Variants in DUSP1 observed in about 807,000 individuals in gnomAD.
DUSP1 encodes dual specificity phosphatase 1, also known as dual specificity protein phosphatase 1.
A neutral mutation model predicts 27.4 loss-of-function variants in DUSP1; 10 were observed. The ratio of observed to expected loss-of-function variants is 0.37; its 90% CI spans 0.23 to 0.62. The LOEUF (loss-of-function observed/expected upper bound fraction) is 0.62, where lower values mean the gene tolerates loss of function less well. Ranked by LOEUF, DUSP1 falls within the 20% of genes least tolerant of loss-of-function variation. DUSP1 has a pLI of 0.68. For synonymous variants in DUSP1, 262 were observed against 223.6 expected (o/e 1.17, Z -1.53); for missense variants, 425 against 508.1 (o/e 0.84, Z 1.57).
chr5:172,770,982 G>T lies in DUSP1; in HGVS notation c.-30C>A, dbSNP rs1357393174. 1 of 1,390,054 alleles carries T rather than the reference G, an allele frequency of 7.2e-7. No individual in the cohort carries two copies. The allele number at this position is 1,390,054 out of a possible 1,614,324, so 86.1% of individuals were successfully genotyped here. On this transcript the variant is annotated 5_prime_UTR_variant, in exon 1 of 4. Coordinates refer to ENST00000239223, the MANE Select transcript of DUSP1 (RefSeq NM_004417.4). ...GGCCTCAGCGCCCCCAGCGTGATCG[G>T]CCCTGCGGTGCTCTTTGTCTGTTCT...
rs1759825596 is a variant in DUSP1 at position 172,768,482 on chromosome 5, C to G, written c.*280G>C. ...AGATTCTACAAAAAACAGGGGCGAG[C>G]AAAAAGAAACCGGATCACACACTGA... On this transcript the variant is annotated 3_prime_UTR_variant, in exon 4 of 4. Transcript: ENST00000239223. 3.1e-6 allele frequency: 1 copy of G among 322,008 alleles called. No individual in the cohort carries two copies. The highest frequency in any genetic ancestry group is 5.1e-5 in the East Asian group (1 of 19,648). The allele number at this position is 322,008 out of a possible 1,614,324, so 19.9% of individuals were successfully genotyped here.
At chr5:172,769,212 G>A in intron 3 of DUSP1, 80 bp from the exon 4 acceptor site, 1 of 1,519,762 alleles carries the variant, frequency 6.6e-7, no homozygotes, top group Non-Finnish European at 8.8e-7. Flanking sequence ...ATCTGAGAAA[G>A]GTCATGTGTG....
Position 172,771,024 on chromosome 5 carries a change from G to A in DUSP1, c.-72C>T. ...GTCTGTTCTCGGGGCCAAGGGCAGG[G>A]CGGCGCTTTTCGAGGAAAAGCTAGA... On this transcript the variant is annotated 5_prime_UTR_variant, in exon 1 of 4. Coordinates refer to ENST00000239223, the MANE Select transcript of DUSP1 (RefSeq NM_004417.4). The A allele has an allele frequency of 7.6e-7, 1 of 1,309,338 alleles. No homozygotes were observed. Among genetic ancestry groups the A allele is most frequent in the Non-Finnish European group, 9.7e-7 (1 of 1,026,784 alleles). The allele number at this position is 1,309,338 out of a possible 1,614,324, so 81.1% of individuals were successfully genotyped here. A position where few individuals can be genotyped will look rare whatever the true frequency, so the allele number is the denominator to read the frequency against.
In DUSP1 at chr5:172,769,652, T is replaced by A. The variant is rs375598704; in HGVS notation, c.656A>T (p.Gln219Leu). The change falls in exon 3 of 4, where the codon CAG becomes CTG. Residue 219 changes from glutamine (Q) to leucine (L), a missense_variant. By Grantham distance (113) the Gln-to-Leu change is moderately radical. This residue lies in a region of DUSP1 where 282 missense variants were observed against 319.3 expected (regional missense o/e 0.88). Coordinates refer to ENST00000239223, the MANE Select transcript of DUSP1 (RefSeq NM_004417.4). ...NCPNHFEGHY[Q>L]YKSIPVEDNH... ...GTCCTCCACAGGGATGCTCTTGTAC[T>A]GGTAGTGACCCTCAAAATGGTTGGG... 4.3e-6 allele frequency: 7 copies of A among 1,614,142 alleles called. No individual in the cohort carries two copies. In the African/African-American group the frequency reaches 6.7e-5, roughly 15 times the overall value.
At chr5:172,769,173 G>A (rs752822774) in intron 3 of DUSP1, 41 bp from the exon 4 acceptor site, 1 of 1,569,814 alleles carries the variant, frequency 6.4e-7, no homozygotes, top group Non-Finnish European at 8.6e-7. Flanking sequence ...GAGAGTTCAG[G>A]AGAACCACCC....
chr5:172,769,252 A>G, intron 3 of DUSP1, 120 bp from the exon 4 acceptor site: 1 of 1,412,100 alleles, frequency 7.1e-7, no homozygotes, highest in Non-Finnish European at 9.4e-7. Context: ...ACATCACCAC[A>G]TGCCATCACA....
chr5:172,768,636 G>A lies in DUSP1; in HGVS notation c.*126C>T. The A allele has an allele frequency of 2.3e-6, 3 of 1,277,802 alleles. No homozygotes were observed. The allele number at this position is 1,277,802 out of a possible 1,614,324, so 79.2% of individuals were successfully genotyped here. On this transcript the variant is annotated 3_prime_UTR_variant, in exon 4 of 4. Coordinates refer to ENST00000239223, the MANE Select transcript of DUSP1 (RefSeq NM_004417.4). Reference sequence around the variant, plus strand: ...ACCATAACTGCTTAGAAACCCAGAGGAACTCGGGTGAAGTTAAATAAATAA... The same window carrying A: ...ACCATAACTGCTTAGAAACCCAGAGAAACTCGGGTGAAGTTAAATAAATAA...
In DUSP1 at chr5:172,770,709, C is replaced by T; in HGVS notation, c.244G>A (p.Ala82Thr). ...RGRLLAGAYH[A>T]VVLLDERSAA... ...CTGCGCTCGTCCAGCAACACCACGG[C>T]GTGGTAGGCGCCGGCCAGCAGGCGG... is the stretch of plus-strand genomic sequence containing the variant. The change falls in exon 1 of 4, where the codon GCC becomes ACC. Residue 82 changes from alanine (A) to threonine (T), a missense_variant. Transcript: ENST00000239223. The T allele has an allele frequency of 7.2e-6, 10 of 1,395,320 alleles. No individual in the cohort carries two copies. Among genetic ancestry groups the T allele is most frequent in the Non-Finnish European group, 9.3e-6 (10 of 1,077,116 alleles). The allele number at this position is 1,395,320 out of a possible 1,614,324, so 86.4% of individuals were successfully genotyped here.
At chr5:172,770,350 G>C (rs1759868102) in intron 1 of DUSP1, 44 bp from the exon 2 acceptor site, 1 of 1,608,450 alleles carries the variant, frequency 6.2e-7, no homozygotes, top group South Asian at 1.1e-5. Flanking sequence ...GTGACACCGG[G>C]ACACGGCACC....
At chr5:172,769,456 T>C in intron 3 of DUSP1, 119 bp downstream of exon 3, 3 of 1,104,228 alleles carry the variant, frequency 2.7e-6, no homozygotes, top group Non-Finnish European at 4.0e-6. Context: ...CACACCAGAC[T>C]GATACTGAAT....
Position 172,768,780 on chromosome 5 carries a change from C to A in DUSP1, c.1086G>T (p.Thr362=), listed in dbSNP as rs759059090. Residue 362 remains threonine, a synonymous_variant, in exon 4 of 4, where the codon ACG becomes ACT. Coordinates refer to ENST00000239223, the MANE Select transcript of DUSP1 (RefSeq NM_004417.4). ...SALSYLQSPI[T]TSPSC ...TGGCCTTTCAGCAGCTGGGAGAGGTCGTAATGGGGCTCTGAAGGTAGCTCA... is the reference window on the plus strand; with the variant it reads ...TGGCCTTTCAGCAGCTGGGAGAGGTAGTAATGGGGCTCTGAAGGTAGCTCA... 7 of 1,522,234 alleles carry A rather than the reference C, an allele frequency of 4.6e-6. No homozygotes were observed. The South Asian group carries it at 7.8e-5, about 17-fold the overall frequency. 94.3% of individuals were successfully genotyped at this position (1,522,234 alleles called of 1,614,324 possible).
chr5:172,770,715 A>G lies in DUSP1; in HGVS notation c.238T>C (p.Tyr80His). The change falls in exon 1 of 4, where the codon TAC (tyrosine) becomes CAC (histidine). Residue 80 changes from tyrosine (Y) to histidine (H), a missense_variant. Physicochemically the swap from Tyr to His is moderately conservative, Grantham distance 83. Coordinates refer to ENST00000239223, the MANE Select transcript of DUSP1 (RefSeq NM_004417.4). Reference protein sequence around the residue: ...ELRGRLLAGAYHAVVLLDERS... With the variant: ...ELRGRLLAGAHHAVVLLDERS... ...TCGTCCAGCAACACCACGGCGTGGT[A>G]GGCGCCGGCCAGCAGGCGGCCGCGG... is the stretch of plus-strand genomic sequence containing the variant. 2 of 1,399,674 alleles carry G rather than the reference A, an allele frequency of 1.4e-6. No homozygotes were observed. 86.7% of individuals were successfully genotyped at this position (1,399,674 alleles called of 1,614,324 possible). A position where few individuals can be genotyped will look rare whatever the true frequency, so the allele number is the denominator to read the frequency against.
intron 3 of DUSP1, among the ~76,000 whole-genome samples, 163 bp downstream of exon 3, chr5:172,769,412 T>C (rs1048292322): frequency 1.3e-5 from 2 of 152,202 alleles, no homozygotes; most frequent in Non-Finnish European, 2.9e-5. Flanking sequence ...AAGTGGGACA[T>C]CGAATCAAAT....
In DUSP1 at chr5:172,769,075, C is replaced by A. The variant is rs1219325819; in HGVS notation, c.791G>T (p.Arg264Leu). The change falls in exon 4 of 4, where the codon CGG becomes CTG. Residue 264 changes from arginine to leucine, a missense_variant. Around this residue, in one of 3 missense-constraint regions of DUSP1, gnomAD observed 59 missense variants for 108.4 expected, o/e 0.54. Transcript: ENST00000239223. ...VFVHCQAGIS[R>L]SATICLAYLM... The stretch of plus-strand genomic sequence containing the variant: ...GTAAGCAAGGCAGATGGTGGCTGAC[C>A]GGGAAATGCCTGCCTGGCAGTGGAC... 6.2e-7 allele frequency: 1 copy of A among 1,613,632 alleles called. No homozygotes were observed. The highest frequency in any genetic ancestry group is 1.3e-5 in the African/African-American group (1 of 74,892).
chr5:172,768,736 TGAA>T lies in DUSP1; in HGVS notation c.*23_*25del. ...AGGAGCATGGAGTCCCAATGGGATG[TGAA>T]GAGCCTCACCTCCCGTGGCCTTTCA... On this transcript the variant is annotated 3_prime_UTR_variant, in exon 4 of 4. Coordinates refer to ENST00000239223, the MANE Select transcript of DUSP1 (RefSeq NM_004417.4). 3 of 1,500,402 alleles carry T rather than the reference TGAA, an allele frequency of 2.0e-6. No individual in the cohort carries two copies. Among genetic ancestry groups the T allele is most frequent in the Non-Finnish European group, 2.7e-6 (3 of 1,124,058 alleles). 92.9% of individuals were successfully genotyped at this position (1,500,402 alleles called of 1,614,324 possible). A position where few individuals can be genotyped will look rare whatever the true frequency, so the allele number is the denominator to read the frequency against.
chr5:172,770,222 G>A lies in DUSP1; in HGVS notation c.452C>T (p.Thr151Ile), dbSNP rs770996143. ...AGATTCCGCGCTGTCAGGGACGCTA[G>A]TACTCAGGGGAAGGCTGAGCCCCAT... ...TPMGLSLPLS[T>I]SVPDSAESGC... The change falls in exon 2 of 4, where the codon ACT becomes ATT. Residue 151 changes from threonine to isoleucine, a missense_variant. Physicochemically the swap from Thr to Ile is moderately conservative, Grantham distance 89. This residue lies in a region of DUSP1 where 282 missense variants were observed against 319.3 expected (regional missense o/e 0.88). Transcript: ENST00000239223. The A allele has an allele frequency of 2.7e-5, 44 of 1,608,864 alleles. No homozygotes were observed. Among genetic ancestry groups the A allele is most frequent in the Non-Finnish European group, 3.1e-5 (37 of 1,178,544 alleles).
chr5:172,769,420 A>C (rs1464783784), intron 3 of DUSP1, among the ~76,000 whole-genome samples, 155 bp downstream of exon 3: 1 of 152,224 alleles, frequency 6.6e-6, no homozygotes, highest in Non-Finnish European at 1.5e-5. Context: ...CATCGAATCA[A>C]ATTCATATTT....
chr5:172,770,357 C>A, intron 1 of DUSP1, 51 bp from the exon 2 acceptor site: 1 of 1,606,330 alleles, frequency 6.2e-7, no homozygotes, highest in Non-Finnish European at 8.5e-7. Context: ...CGGGACACGG[C>A]ACCTTCATAC....
Position 172,769,776 on chromosome 5 carries a change from G to A in DUSP1, c.532C>T (p.Leu178=). Reference sequence around the variant, plus strand: ...GCACTGCCCAGGTACAGAAAGGGCAGGATTTCCACCGGGCCACCCTGAAAT... The same window carrying A: ...GCACTGCCCAGGTACAGAAAGGGCAAGATTTCCACCGGGCCACCCTGAAAT... The part of the protein sequence containing the change: ...LYDQGGPVEI[L]PFLYLGSAYH... Residue 178 remains leucine (L), a synonymous_variant, in exon 3 of 4, where the codon CTG becomes TTG. Coordinates refer to ENST00000239223, the MANE Select transcript of DUSP1 (RefSeq NM_004417.4). 6.2e-7 allele frequency: 1 copy of A among 1,614,032 alleles called. No individual in the cohort carries two copies. Among genetic ancestry groups the A allele is most frequent in the Non-Finnish European group, 8.5e-7 (1 of 1,180,004 alleles).
Sources: gnomAD v4.1 joint callset for allele counts (sites outside exome capture counted in the v4.1 genomes callset) on GRCh38, gnomAD v4.1.1 for gene constraint, gnomAD v4.1.1 regional missense constraint, MANE v1.5 for transcripts, NCBI Gene and HGNC (gene_info 2026-07-23, HGNC 2026-07-21) for gene names.